The following KLK15 variants were observed in gnomAD, a reference collection of about 807,000 sequenced individuals.
KLK15 encodes the protein kallikrein related peptidase 15, also known as kallikrein-15.
In KLK15, 19 loss-of-function variants were observed where a neutral mutation model predicts 21.1. The observed-to-expected ratio is 0.90, with a 90% CI of 0.63 to 1.32. The LOEUF (loss-of-function observed/expected upper bound fraction) is 1.32. Among genes scored for constraint, KLK15 ranks in the 40% most tolerant of loss-of-function variants. The pLI is 0.00. For missense variants in KLK15, 345 were observed against 348.6 expected (o/e 0.99, Z 0.08); for synonymous variants, 141 against 141.5 (o/e 1.00, Z 0.03).
intron 1 of KLK15, chr19:50,831,219 C>T (rs372281554): frequency 5.3e-5 from 21 of 394,288 alleles, no homozygotes; most frequent in South Asian, 3.1e-4. Context: ...ACCCCAGGAC[C>T]GTGTTCCTTG....
chr19:50,825,836 T>C, exon 5 of KLK15: 1 of 1,614,064 alleles, frequency 6.2e-7, no homozygotes, highest in African/African-American at 1.3e-5. Flanking sequence ...CTCCAAGTAG[T>C]GGCAGACTTT....
chr19:50,826,552 AC>A, intron 4 of KLK15, 68 bp downstream of exon 5: 1 of 1,495,948 alleles, frequency 6.7e-7, no homozygotes, highest in Non-Finnish European at 8.9e-7. Flanking sequence ...AGAAAATCCA[AC>A]CCCATCCGGA....
At chr19:50,827,573 T>C in intron 2 of KLK15, 89 bp downstream of exon 3, 1 of 1,385,672 alleles carries the variant, frequency 7.2e-7, no homozygotes, top group Non-Finnish European at 9.9e-7. Context: ...ACCCAGGAGT[T>C]CTGGCGTCTG....
chr19:50,830,495 TG>T (rs1174172456), intron 1 of KLK15: 1 of 152,128 alleles, frequency 6.6e-6, no homozygotes, highest in African/African-American at 2.4e-5. Context: ...GCACCGAGGC[TG>T]CACCTGGCCA....
At chr19:50,829,661 A>AAAT (rs2089947795) in intron 1 of KLK15, among the ~76,000 whole-genome samples, 1 of 151,518 alleles carries the variant, frequency 6.6e-6, no homozygotes, top group Non-Finnish European at 1.5e-5. Context: ...AATAAATAAA[A>AAAT]ATACAAAAAT....
At chr19:50,833,497 C>A (rs1038369849), upstream of KLK15, among the ~76,000 whole-genome samples, 1 of 152,178 alleles carries the variant, frequency 6.6e-6, no homozygotes, top group Non-Finnish European at 1.5e-5. Flanking sequence ...CCCCTTTGCC[C>A]CTCCCTCAGT....
intron 1 of KLK15, among the ~76,000 whole-genome samples, chr19:50,828,340 A>G (rs1441698370): frequency 1.3e-5 from 2 of 151,486 alleles, no homozygotes; most frequent in African/African-American, 4.8e-5. Context: ...GAGGAAGGGG[A>G]ACAGACCAGA....
At chr19:50,826,904 C>T (rs2089889050) in exon 3 of KLK15, 1 of 1,572,926 alleles carries the variant, frequency 6.4e-7, no homozygotes, top group African/African-American at 1.3e-5. Context: ...CCCAGCGGTC[C>T]CAGGCTCGTT....
chr19:50,831,654 C>T (rs1227873258), upstream of KLK15: 5 of 485,692 alleles, frequency 1.0e-5, no homozygotes, highest in Non-Finnish European at 1.7e-5. Context: ...TTCCCCCAAC[C>T]CCACTCTGCG....
intron 1 of KLK15, among the ~76,000 whole-genome samples, chr19:50,829,739 C>G (rs1302913926): frequency 6.6e-6 from 1 of 151,784 alleles, no homozygotes; most frequent in African/African-American, 2.4e-5. Context: ...ATTGCTTGAA[C>G]CTGGGAGGCG....
chr19:50,829,738 A>G (rs1599955563), intron 1 of KLK15, among the ~76,000 whole-genome samples: 2 of 151,904 alleles, frequency 1.3e-5, no homozygotes, highest in East Asian at 3.9e-4. Flanking sequence ...AATTGCTTGA[A>G]CCTGGGAGGC....
chr19:50,827,098 C>G, exon 3 of KLK15: 1 of 1,605,472 alleles, frequency 6.2e-7, no homozygotes, highest in East Asian at 2.2e-5. Context: ...GAGACGTGGT[C>G]CGTAGTTGCT....
chr19:50,827,050 G>C (rs765224618), exon 3 of KLK15: 1 of 1,606,462 alleles, frequency 6.2e-7, no homozygotes, highest in Admixed American at 1.7e-5. Context: ...TGTCGTTGCG[G>C]TGGCTGCGCG....
At chr19:50,825,781 G>A in exon 5 of KLK15, 3 of 1,611,124 alleles carry the variant, frequency 1.9e-6, no homozygotes, top group Non-Finnish European at 2.5e-6. Flanking sequence ...GGGCACAGGA[G>A]ATAGGCTAGA....
In KLK15 at chr19:50,827,637, GGACCCT is replaced by G; in HGVS notation, c.197+19_197+24del. ...CTTCCCCCCGAACCAGGCTCCCTCA[GGACCCT>G]GAGCCCCTGCCTTCATACCGGCTTT... On this transcript the variant is annotated intron_variant, in intron 2 of 4. Transcript: ENST00000598239. 6.2e-7 allele frequency: 1 copy of G among 1,606,600 alleles called. No homozygotes were observed.
intron 1 of KLK15, 133 bp downstream of exon 2, chr19:50,831,317 C>T: frequency 3.2e-6 from 2 of 616,022 alleles, no homozygotes; most frequent in South Asian, 6.3e-5. Flanking sequence ...GACATTGGCA[C>T]AGGTGGAGGG....
At chr19:50,826,646 T>A in exon 4 of KLK15, 1 of 1,608,106 alleles carries the variant, frequency 6.2e-7, no homozygotes, top group Non-Finnish European at 8.5e-7. Context: ...GCCTCTGCCC[T>A]CCGCGCCTGC....
upstream of KLK15, chr19:50,831,669 C>T: frequency 6.5e-6 from 3 of 459,452 alleles, no homozygotes; most frequent in Non-Finnish European, 1.1e-5. Flanking sequence ...TCTGCGCTTC[C>T]TTCTGGGTCC....
chr19:50,831,113 T>C, intron 1 of KLK15: 1 of 229,726 alleles, frequency 4.4e-6, no homozygotes, highest in Non-Finnish European at 8.4e-6. Context: ...TGCTGTCTTA[T>C]AGAGAAGGCA....
Sources: gnomAD v4.1 joint callset for allele counts (sites outside exome capture counted in the v4.1 genomes callset) on GRCh38, gnomAD v4.1.1 for gene constraint, MANE v1.5 for transcripts, NCBI Gene and HGNC (gene_info 2026-07-23, HGNC 2026-07-21) for gene names.